Variants in CDKAL1 observed in about 807,000 individuals in gnomAD.
The protein encoded by CDKAL1 is CDKAL1 threonylcarbamoyladenosine tRNA methylthiotransferase.
Under a neutral mutation model 68.2 loss-of-function variants are expected in CDKAL1, and 32 were observed. The observed-to-expected ratio is 0.47, with a 90% CI of 0.35 to 0.63. The LOEUF (loss-of-function observed/expected upper bound fraction) is 0.63. Ranked by LOEUF, CDKAL1 falls within the 30% of genes least tolerant of loss-of-function variation. The probability of loss-of-function intolerance (pLI) is 0.00; values close to 1 mark genes in which losing one functional copy is unlikely to be tolerated. For synonymous variants in CDKAL1, 234 were observed against 244.3 expected (o/e 0.96, Z 0.39); for missense variants, 606 against 696.7 (o/e 0.87, Z 1.47).
At chr6:21,195,929 T>C (rs1255814444) in intron 13 of CDKAL1, among the ~76,000 whole-genome samples, 1 of 152,146 alleles carries the variant, frequency 6.6e-6, no homozygotes. Flanking sequence ...TTAGTGCACA[T>C]TGCGGTTCTC....
chr6:20,883,988 G>C (rs9460569), intron 9 of CDKAL1, among the ~76,000 whole-genome samples: 9,951 of 152,106 alleles, frequency 0.065, 379 homozygotes, highest in Non-Finnish European at 0.078. Context: ...ATTCTCTGAG[G>C]TCAGCATACC....
intron 9 of CDKAL1, among the ~76,000 whole-genome samples, chr6:20,849,445 T>C (rs564086091): frequency 4.8e-4 from 73 of 151,812 alleles, no homozygotes; most frequent in African/African-American, 1.7e-3. Context: ...TAGCCGGGCG[T>C]GGTGGCGGGT....
chr6:21,086,064 C>T (rs923300233), intron 12 of CDKAL1, among the ~76,000 whole-genome samples: 8 of 152,130 alleles, frequency 5.3e-5, no homozygotes, highest in African/African-American at 1.7e-4. Context: ...TAGTGCTTGC[C>T]GCCTTGCACT....
chr6:20,886,170 T>C (rs1483016187), intron 9 of CDKAL1, among the ~76,000 whole-genome samples: 3 of 152,212 alleles, frequency 2.0e-5, no homozygotes, highest in African/African-American at 7.2e-5. Flanking sequence ...TAGTCTTTAG[T>C]GTGATGCAAA....
In CDKAL1 at chr6:20,546,326, T is replaced by C. The variant is rs1460567029; in HGVS notation, c.-5-20T>C. 2 of 1,554,534 alleles carry C rather than the reference T, an allele frequency of 1.3e-6. No homozygotes were observed. The highest frequency in any genetic ancestry group is 1.7e-6 in the Non-Finnish European group (2 of 1,143,408). Reference sequence around the variant, plus strand: ...GCAGATTTTCATAAGTTGATTTTATTTATAACTTTTATGTGGTAGAGAATA... The same window carrying C: ...GCAGATTTTCATAAGTTGATTTTATCTATAACTTTTATGTGGTAGAGAATA... On this transcript the variant is annotated intron_variant, in intron 2 of 15. Transcript: ENST00000274695.
chr6:20,646,821 G>A (rs1447103575), intron 4 of CDKAL1, among the ~76,000 whole-genome samples: 3 of 152,110 alleles, frequency 2.0e-5, no homozygotes, highest in African/African-American at 7.2e-5. Flanking sequence ...TCGGCTTACT[G>A]CAACCTCCAC....
chr6:21,071,237 G>A (rs749300273), intron 12 of CDKAL1, among the ~76,000 whole-genome samples: 1 of 152,122 alleles, frequency 6.6e-6, no homozygotes, highest in East Asian at 1.9e-4. Flanking sequence ...CTGGTGGGAG[G>A]TGATTGGATC....
At chr6:21,219,200 C>T (rs1045651914) in intron 15 of CDKAL1, among the ~76,000 whole-genome samples, 2 of 152,042 alleles carry the variant, frequency 1.3e-5, no homozygotes, top group Non-Finnish European at 2.9e-5. Context: ...CCAGGACCCC[C>T]GATGGGTACC....
At chr6:20,753,389 T>C (rs1203226110) in intron 6 of CDKAL1, among the ~76,000 whole-genome samples, 1 of 152,214 alleles carries the variant, frequency 6.6e-6, no homozygotes, top group African/African-American at 2.4e-5. Flanking sequence ...GTGGTCTCTT[T>C]AGATTATAAT....
intron 9 of CDKAL1, among the ~76,000 whole-genome samples, chr6:20,900,600 A>C (rs1010113775): frequency 5.3e-5 from 8 of 152,226 alleles, no homozygotes; most frequent in African/African-American, 1.9e-4. Flanking sequence ...GCTTATTCAA[A>C]GAGTTTCCCC....
intron 12 of CDKAL1, among the ~76,000 whole-genome samples, chr6:21,086,513 C>T (rs898029494): frequency 6.6e-6 from 1 of 152,238 alleles, no homozygotes; most frequent in East Asian, 1.9e-4. Context: ...TCCATGCCAG[C>T]GCCTAGGTGG....
At chr6:21,069,946 C>T (rs554377900) in intron 12 of CDKAL1, among the ~76,000 whole-genome samples, 16 of 151,890 alleles carry the variant, frequency 1.1e-4, no homozygotes, top group African/African-American at 2.9e-4. Context: ...CCCGCCACCA[C>T]GCCCGGCTAA....
At chr6:21,086,181 G>A (rs573395637) in intron 12 of CDKAL1, among the ~76,000 whole-genome samples, 1 of 152,278 alleles carries the variant, frequency 6.6e-6, no homozygotes, top group African/African-American at 2.4e-5. Flanking sequence ...GGCACAAAGA[G>A]TATAACTTGC....
chr6:20,885,472 A>AC (rs1761024033), intron 9 of CDKAL1, among the ~76,000 whole-genome samples: 2 of 152,190 alleles, frequency 1.3e-5, no homozygotes. Context: ...ACAAAGTTAG[A>AC]CCCCTACCTT....
At chr6:21,180,661 T>C (rs898100153) in intron 13 of CDKAL1, among the ~76,000 whole-genome samples, 30 of 152,208 alleles carry the variant, frequency 2.0e-4, no homozygotes, top group Non-Finnish European at 3.7e-4. Flanking sequence ...TGAGTCACCC[T>C]TAAGGCTACT....
chr6:21,168,862 A>AT (rs1395440283), intron 13 of CDKAL1, among the ~76,000 whole-genome samples: 3 of 152,122 alleles, frequency 2.0e-5, no homozygotes, highest in Non-Finnish European at 4.4e-5. Context: ...TCTCTCCCTC[A>AT]TATACCCTTT....
At chr6:21,053,032 A>G (rs1345045993) in intron 11 of CDKAL1, among the ~76,000 whole-genome samples, 1 of 152,186 alleles carries the variant, frequency 6.6e-6, no homozygotes, top group African/African-American at 2.4e-5. Context: ...AGTGTTTTGA[A>G]GATTTTTAGC....
intron 9 of CDKAL1, among the ~76,000 whole-genome samples, chr6:20,926,943 A>G (rs1319686869): frequency 6.7e-6 from 1 of 149,364 alleles, no homozygotes; most frequent in Non-Finnish European, 1.5e-5. Flanking sequence ...ATATATAGAG[A>G]GAGAGAGACA....
chr6:20,721,684 T>C (rs995647114), intron 5 of CDKAL1, among the ~76,000 whole-genome samples: 5 of 151,048 alleles, frequency 3.3e-5, no homozygotes, highest in Non-Finnish European at 7.4e-5. Context: ...CCACCAACAG[T>C]GCGTAAGCAT....
Sources: gnomAD v4.1 joint callset for allele counts (sites outside exome capture counted in the v4.1 genomes callset) on GRCh38, gnomAD v4.1.1 for gene constraint, MANE v1.5 for transcripts, NCBI Gene and HGNC (gene_info 2026-07-23, HGNC 2026-07-21) for gene names.